The following ERC1 variants were observed in gnomAD, a reference collection of about 807,000 sequenced individuals.
ERC1 encodes RAB6 interacting protein 2.
ERC1 carries 56 observed loss-of-function variants against 132.0 expected under a neutral mutation model. The observed-to-expected ratio is 0.42, with a 90% CI of 0.34 to 0.53. The LOEUF (loss-of-function observed/expected upper bound fraction) is 0.53. ERC1 is among the 20% of genes least tolerant of loss of function. The pLI is 0.03. For synonymous variants in ERC1, 478 were observed against 476.1 expected, an observed-to-expected ratio of 1.00 and a Z score of -0.05; for missense variants, 1,202 against 1,349.9, an observed-to-expected ratio of 0.89 and a Z score of 1.72.
chr12:1,036,461 A>G (rs1432829395), intron 2 of ERC1, among the ~76,000 whole-genome samples: 1 of 146,114 alleles, frequency 6.8e-6, no homozygotes. Flanking sequence ...TGCAGCCTCC[A>G]CCTCCCAGGT....
chr12:1,102,943 A>G (rs905172623), intron 3 of ERC1, among the ~76,000 whole-genome samples: 11 of 152,196 alleles, frequency 7.2e-5, no homozygotes, highest in Admixed American at 5.9e-4. Flanking sequence ...ATGAATCTCC[A>G]CATGCTCATC....
intron 12 of ERC1, among the ~76,000 whole-genome samples, chr12:1,224,193 C>A (rs1046847154): frequency 6.6e-5 from 10 of 152,242 alleles, no homozygotes; most frequent in African/African-American, 2.2e-4. Flanking sequence ...GTGTTTTCAT[C>A]TTTTCCAGTT....
intron 8 of ERC1, among the ~76,000 whole-genome samples, chr12:1,170,879 T>C (rs1230189702): frequency 2.0e-5 from 3 of 152,200 alleles, no homozygotes; most frequent in African/African-American, 7.2e-5. Context: ...TCCTGTATAA[T>C]TAAATTTGAA....
intron 17 of ERC1, among the ~76,000 whole-genome samples, chr12:1,411,664 A>C (rs1367191831): frequency 6.6e-6 from 1 of 152,174 alleles, no homozygotes; most frequent in Non-Finnish European, 1.5e-5. Context: ...TGTCATCATC[A>C]AGCATGTGAG....
Position 1,167,869 on chromosome 12 carries a change from A to C in ERC1, c.1738-12671A>C, listed in dbSNP as rs1952591058. 2.0e-5 allele frequency among the ~76,000 whole-genome samples: 3 copies of C among 151,770 alleles called. No homozygotes were observed. The South Asian group carries it at 6.2e-4, about 32-fold the overall frequency. The stretch of plus-strand genomic sequence containing the variant: ...GTACTCGGGACTACAGGCGCGCGCC[A>C]CCACACCCTGCTAATTTTTTATTTT... On this transcript the variant is annotated intron_variant, in intron 8 of 18. Coordinates refer to ENST00000360905, the MANE Select transcript of ERC1 (RefSeq NM_178040.4).
intron 2 of ERC1, among the ~76,000 whole-genome samples, chr12:1,046,223 G>A (rs981906776): frequency 3.9e-5 from 6 of 152,170 alleles, no homozygotes; most frequent in Non-Finnish European, 8.8e-5. Flanking sequence ...TCCACAATAA[G>A]AGACAGTTCT....
At chr12:1,274,617 C>A (rs2078127617) in intron 14 of ERC1, among the ~76,000 whole-genome samples, 1 of 152,106 alleles carries the variant, frequency 6.6e-6, no homozygotes, top group Admixed American at 6.5e-5. Flanking sequence ...TTCAGCCTCC[C>A]AGGTAGCTGG....
At chr12:1,182,503 T>C (rs775127641) in intron 10 of ERC1, among the ~76,000 whole-genome samples, 53 of 152,352 alleles carry the variant, frequency 3.5e-4, no homozygotes, top group Middle Eastern at 3.4e-3. Context: ...CCTGTTAATA[T>C]GACCTAAATA....
At chr12:1,129,426 C>T (rs1362649287) in intron 7 of ERC1, among the ~76,000 whole-genome samples, 1 of 152,152 alleles carries the variant, frequency 6.6e-6, no homozygotes, top group African/African-American at 2.4e-5. Flanking sequence ...AAGTCGAAGG[C>T]GAGAGTATCC....
At chr12:999,146 C>T (rs1961614041) in intron 1 of ERC1, among the ~76,000 whole-genome samples, 1 of 152,146 alleles carries the variant, frequency 6.6e-6, no homozygotes, top group African/African-American at 2.4e-5. Context: ...AGGCGTGAGC[C>T]ACCGTGCCTG....
chr12:1,342,187 G>A (rs926301297), intron 15 of ERC1, among the ~76,000 whole-genome samples: 8 of 151,962 alleles, frequency 5.3e-5, no homozygotes, highest in South Asian at 2.1e-4. Flanking sequence ...AATGCGGGCC[G>A]GGTGCGGTGG....
chr12:1,013,987 G>A (rs1300210761), intron 1 of ERC1, among the ~76,000 whole-genome samples: 1 of 151,206 alleles, frequency 6.6e-6, no homozygotes, highest in Non-Finnish European at 1.5e-5. Flanking sequence ...TTCCCGAAGT[G>A]TTGGGATTAT....
At chr12:1,236,433 G>C (rs1455447539) in intron 12 of ERC1, among the ~76,000 whole-genome samples, 1 of 152,150 alleles carries the variant, frequency 6.6e-6, no homozygotes, top group South Asian at 2.1e-4. Flanking sequence ...TCAGTGCGTC[G>C]ATGTCAAAAA....
intron 7 of ERC1, among the ~76,000 whole-genome samples, chr12:1,126,563 C>T (rs1478955997): frequency 1.3e-5 from 2 of 152,142 alleles, no homozygotes; most frequent in Non-Finnish European, 2.9e-5. Flanking sequence ...GGTAAGATAA[C>T]TTAAATGTCT....
At chr12:1,195,514 G>A (rs1018189366) in intron 12 of ERC1, among the ~76,000 whole-genome samples, 1 of 152,146 alleles carries the variant, frequency 6.6e-6, no homozygotes, top group African/African-American at 2.4e-5. Context: ...GAGCACATAT[G>A]CATTAGTGAT....
chr12:1,035,230 T>G (rs1183722611), intron 2 of ERC1, among the ~76,000 whole-genome samples: 1 of 152,190 alleles, frequency 6.6e-6, no homozygotes, highest in Non-Finnish European at 1.5e-5. Context: ...AAGATTGGTT[T>G]AATAGGATTT....
chr12:1,012,115 C>T (rs1964777518), intron 1 of ERC1, among the ~76,000 whole-genome samples: 1 of 152,120 alleles, frequency 6.6e-6, no homozygotes, highest in Non-Finnish European at 1.5e-5. Context: ...ATAAACTTTT[C>T]TCTACATTTT....
chr12:1,352,288 T>C (rs975720380), intron 15 of ERC1, among the ~76,000 whole-genome samples: 2 of 152,168 alleles, frequency 1.3e-5, no homozygotes. Flanking sequence ...ATTTAATAAA[T>C]GTGTGCTGAA....
intron 17 of ERC1, among the ~76,000 whole-genome samples, chr12:1,408,843 A>G (rs2091671832): frequency 6.6e-6 from 1 of 152,240 alleles, no homozygotes; most frequent in Non-Finnish European, 1.5e-5. Flanking sequence ...ATTCCATTCT[A>G]GTTTCTTGGA....
Sources: allele counts gnomAD v4.1 joint callset (sites outside exome capture counted in the v4.1 genomes callset), GRCh38; gene constraint gnomAD v4.1.1; transcripts MANE v1.5; gene names NCBI Gene and HGNC (gene_info 2026-07-23, HGNC 2026-07-21).